FAM120B: variants seen among roughly 807,000 people sequenced by gnomAD.
FAM120B encodes family with sequence similarity 120 member B, also known as constitutive coactivator of peroxisome proliferator-activated receptor gamma.
Under a neutral mutation model 96.3 loss-of-function variants are expected in FAM120B, and 83 were observed. The ratio of observed to expected loss-of-function variants is 0.86; its 90% CI spans 0.72 to 1.03. FAM120B has a LOEUF of 1.03. FAM120B is among the 50% of genes least tolerant of loss of function. FAM120B has a pLI of 0.00. For missense variants in FAM120B, 1,027 were observed against 1,121.2 expected, an observed-to-expected ratio of 0.92 and a Z score of 1.20; for synonymous variants, 407 against 402.7, an observed-to-expected ratio of 1.01 and a Z score of -0.13.
intron 6 of FAM120B, among the ~76,000 whole-genome samples, chr6:170,359,740 C>T (rs1788217665): frequency 6.6e-6 from 1 of 152,124 alleles, no homozygotes; most frequent in Non-Finnish European, 1.5e-5. Flanking sequence ...CACCCGGCCA[C>T]AACTTTCAAT....
At chr6:170,297,597 T>C (rs1784045855) in intron 1 of FAM120B, among the ~76,000 whole-genome samples, 1 of 147,098 alleles carries the variant, frequency 6.8e-6, no homozygotes, top group African/African-American at 2.5e-5. Context: ...ACGTGTGAAG[T>C]TATTCAACTT....
At chr6:170,381,329 C>T (rs1789888623) in intron 6 of FAM120B, among the ~76,000 whole-genome samples, 1 of 152,130 alleles carries the variant, frequency 6.6e-6, no homozygotes, top group African/African-American at 2.4e-5. Context: ...GACCACAACC[C>T]CCCAATACCA....
chr6:170,401,465 A>C (rs767580846), intron 9 of FAM120B, among the ~76,000 whole-genome samples: 3 of 152,164 alleles, frequency 2.0e-5, no homozygotes, highest in Non-Finnish European at 4.4e-5. Context: ...GCCGTCCAGA[A>C]GCTGGCAGAG....
intron 9 of FAM120B, among the ~76,000 whole-genome samples, chr6:170,400,284 C>T (rs1778481305): frequency 6.6e-6 from 1 of 151,986 alleles, no homozygotes; most frequent in Non-Finnish European, 1.5e-5. Context: ...TGTCATAAGC[C>T]TTAGGAGTGA....
In FAM120B at chr6:170,395,502, A is replaced by G; in HGVS notation, c.2615A>G (p.Gln872Arg). Reference sequence around the variant, plus strand: ...GTTCCCACAGGGAGGTGGGGAAGACAGGGCTCCAGCTACCACAGGACGGGC... The same window carrying G: ...GTTCCCACAGGGAGGTGGGGAAGACGGGGCTCCAGCTACCACAGGACGGGC... ...GSHHAGRWGRQGSSYHRTGSG... is the reference protein window; with the variant it reads ...GSHHAGRWGRRGSSYHRTGSG... The change falls in exon 9 of 11, where the codon CAG becomes CGG. Residue 872 changes from glutamine (Q) to arginine (R), a missense_variant. Coordinates refer to ENST00000476287, the MANE Select transcript of FAM120B (RefSeq NM_032448.3). The G allele has an allele frequency of 6.3e-7, 1 of 1,595,912 alleles. No individual in the cohort carries two copies. The highest frequency in any genetic ancestry group is 8.5e-7 in the Non-Finnish European group (1 of 1,171,268).
intron 8 of FAM120B, 152 bp downstream of exon 8, chr6:170,391,273 G>A (rs1432853381): frequency 8.1e-6 from 5 of 618,404 alleles, no homozygotes; most frequent in Middle Eastern, 5.3e-4. Flanking sequence ...GGTGGCTCAC[G>A]CCTGTAATCT....
rs113905242 is a variant in FAM120B at position 170,334,527 on chromosome 6, G to C, written c.2017+3977G>C. Among the ~76,000 whole-genome samples the C allele has an allele frequency of 7.7e-3, 1,145 of 148,090 alleles. 18 individuals carry two copies. Among genetic ancestry groups the C allele is most frequent in the African/African-American group, 0.026 (1,066 of 40,336 alleles). On this transcript the variant is annotated intron_variant, in intron 4 of 10. Coordinates refer to ENST00000476287, the MANE Select transcript of FAM120B (RefSeq NM_032448.3). ...TGCTCAACAAGTCTTGGAGGTTTCT[G>C]TGAGTGGTAAAAGGAAGCTGGTGTG...
chr6:170,398,946 T>C, intron 9 of FAM120B, among the ~76,000 whole-genome samples: 1 of 151,094 alleles, frequency 6.6e-6, no homozygotes, highest in African/African-American at 2.4e-5. Context: ...GTGAGAAAGG[T>C]AGAACTATGT....
intron 6 of FAM120B, among the ~76,000 whole-genome samples, chr6:170,371,120 C>T (rs1789158998): frequency 6.6e-6 from 1 of 152,150 alleles, no homozygotes; most frequent in Non-Finnish European, 1.5e-5. Flanking sequence ...AAACCTCTAC[C>T]TCTTATGCAG....
chr6:170,377,480 T>A (rs145815677), intron 6 of FAM120B, among the ~76,000 whole-genome samples: 4 of 1,212 alleles, frequency 3.3e-3, no homozygotes, highest in African/African-American at 0.011. Context: ...GCGTCCCTAA[T>A]CCCAGATGCC....
At chr6:170,305,569 A>T (rs1362538089), upstream of FAM120B, among the ~76,000 whole-genome samples, 2 of 152,254 alleles carry the variant, frequency 1.3e-5, no homozygotes, top group Non-Finnish European at 2.9e-5. Context: ...TTCCTGATGG[A>T]AGACTCATTA....
chr6:170,296,108 C>T (rs936257958), intron 1 of FAM120B, among the ~76,000 whole-genome samples: 1 of 152,158 alleles, frequency 6.6e-6, no homozygotes, highest in African/African-American at 2.4e-5. Context: ...ACGCCTTTGT[C>T]CCGGGATCAG....
chr6:170,384,150 A>C (rs943104814), intron 6 of FAM120B, among the ~76,000 whole-genome samples: 2 of 152,246 alleles, frequency 1.3e-5, no homozygotes, highest in African/African-American at 4.8e-5. Context: ...GGGAGGTCTT[A>C]TGTGGAGAGA....
intron 6 of FAM120B, among the ~76,000 whole-genome samples, chr6:170,388,037 G>C (rs1268896079): frequency 6.6e-6 from 1 of 152,152 alleles, no homozygotes; most frequent in Non-Finnish European, 1.5e-5. Flanking sequence ...GGTTTGAATG[G>C]ATGGGTGGAT....
chr6:170,376,532 C>T (rs556387772), intron 6 of FAM120B, among the ~76,000 whole-genome samples: 104 of 152,056 alleles, frequency 6.8e-4, no homozygotes, highest in Non-Finnish European at 1.1e-3. Context: ...GAGCAGAGAG[C>T]GCTGGCATGC....
chr6:170,307,705 G>A (rs1005973264), intron 1 of FAM120B, among the ~76,000 whole-genome samples: 1 of 152,216 alleles, frequency 6.6e-6, no homozygotes, highest in Non-Finnish European at 1.5e-5. Context: ...GCAAGGAAGT[G>A]ATGTGATCAG....
chr6:170,291,461 C>T (rs1045780020), upstream of FAM120B, among the ~76,000 whole-genome samples: 1 of 152,150 alleles, frequency 6.6e-6, no homozygotes, highest in African/African-American at 2.4e-5. Flanking sequence ...AAGTTCGAGG[C>T]CCGAGCTCTT....
At chr6:170,333,220 G>C (rs1382231234) in intron 4 of FAM120B, among the ~76,000 whole-genome samples, 1 of 127,816 alleles carries the variant, frequency 7.8e-6, no homozygotes, top group Non-Finnish European at 1.6e-5. Context: ...TGATGGTATT[G>C]GGAGGTGGGG....
intron 6 of FAM120B, among the ~76,000 whole-genome samples, chr6:170,368,820 T>TC (rs1491125603): frequency 7.9e-5 from 11 of 140,020 alleles, no homozygotes; most frequent in African/African-American, 2.2e-4. Flanking sequence ...CTGCCGGGGC[T>TC]GGGGGGGGGG....
Sources: allele counts gnomAD v4.1 joint callset (sites outside exome capture counted in the v4.1 genomes callset), GRCh38; gene constraint gnomAD v4.1.1; transcripts MANE v1.5; gene names NCBI Gene and HGNC (gene_info 2026-07-23, HGNC 2026-07-21).